KLHL21: variants seen among roughly 807,000 people sequenced by gnomAD.
The protein encoded by KLHL21 is kelch-like protein 21.
KLHL21 carries 42 observed loss-of-function variants against 44.1 expected under a neutral mutation model. The ratio of observed to expected loss-of-function variants is 0.95; its 90% CI spans 0.74 to 1.23. KLHL21 has a LOEUF of 1.23. KLHL21 is among the 50% of genes most tolerant of loss of function. KLHL21 has a pLI of 0.00. For missense variants in KLHL21, 918 were observed against 889.1 expected (o/e 1.03, Z -0.41); for synonymous variants, 524 against 411.6 (o/e 1.27, Z -3.31).
At position 6,599,980 on chromosome 1, in the gene KLHL21, G is replaced by C. The variant is rs537352042; in HGVS notation, c.1022-528C>G. On this transcript the variant is annotated intron_variant, in intron 1 of 3. Transcript: ENST00000377658. ...ATTCTGGTGCAGGTTACAAAGCTGT[G>C]TTTGGTTTAGAAAAATCCACGAAGC... Among the ~76,000 whole-genome samples, 4 of 152,276 alleles carry C rather than the reference G, an allele frequency of 2.6e-5. 1 individual carries two copies. The South Asian group carries it at 8.3e-4, about 32-fold the overall frequency.
In KLHL21 at chr1:6,602,640, AG is replaced by A; in HGVS notation, c.177del (p.Tyr60ThrfsTer42). On this transcript the variant is annotated frameshift_variant, in exon 1 of 4. Transcript: ENST00000377658. LOFTEE classifies it high-confidence loss of function. ...AHRAVLAAAS[P>X]YFRAMFAGQL... ...TGCCCCGCGAACATGGCGCGGAAGT[AG>A]GGGCTGGCGGCGGCCAGCACCGCAC... 1 of 1,516,708 alleles carries A rather than the reference AG, an allele frequency of 6.6e-7. No homozygotes were observed. Among genetic ancestry groups the A allele is most frequent in the Non-Finnish European group, 8.8e-7 (1 of 1,138,868 alleles). The allele number at this position is 1,516,708 out of a possible 1,614,324, so 94.0% of individuals were successfully genotyped here.
chr1:6,599,875 T>G (rs1032208855), intron 1 of KLHL21: 1 of 176,728 alleles, frequency 5.7e-6, no homozygotes, highest in Non-Finnish European at 1.2e-5. Context: ...CAAGCAAGGT[T>G]CTGCCAGGAC....
chr1:6,599,003 A>G (rs1312425499), intron 2 of KLHL21, 44 bp downstream of exon 2: 7 of 1,521,108 alleles, frequency 4.6e-6, no homozygotes, highest in Non-Finnish European at 6.2e-6. Flanking sequence ...AGGGCCTGGT[A>G]AGAGACACCA....
chr1:6,595,405 A>G (rs1557432623), intron 3 of KLHL21, 80 bp downstream of exon 3: 1 of 1,321,372 alleles, frequency 7.6e-7, no homozygotes, highest in Middle Eastern at 1.8e-4. Context: ...TGTGGATCCC[A>G]AACACTCATC....
At chr1:6,594,002 G>A in intron 3 of KLHL21, 1 of 1,076,160 alleles carries the variant, frequency 9.3e-7, no homozygotes, top group African/African-American at 1.6e-5. Flanking sequence ...TGTTACAGAT[G>A]GGAAAACTGA....
intron 2 of KLHL21, among the ~76,000 whole-genome samples, chr1:6,598,654 G>A (rs187122769): frequency 1.7e-4 from 26 of 152,014 alleles, no homozygotes; most frequent in African/African-American, 5.1e-4. Flanking sequence ...AGGCCAAGGC[G>A]GACCGATCAT....
Position 6,593,339 on chromosome 1 carries a change from G to A in KLHL21, c.*26C>T, listed in dbSNP as rs749999473. On this transcript the variant is annotated 3_prime_UTR_variant, in exon 4 of 4. Coordinates refer to ENST00000377658, the MANE Select transcript of KLHL21 (RefSeq NM_014851.4). The stretch of plus-strand genomic sequence containing the variant: ...CGCAGAGGTGCCAGTTACCTGCACC[G>A]AGGCCCGTGCCGGGCCAGACTGGGG... The A allele has an allele frequency of 2.3e-5, 36 of 1,544,462 alleles. No individual in the cohort carries two copies. The highest frequency in any genetic ancestry group is 1.2e-4 in the Admixed American group (6 of 51,488).
In KLHL21 at chr1:6,602,074, T is replaced by G. The variant is rs944805054; in HGVS notation, c.744A>C (p.Pro248=). 1 of 1,494,596 alleles carries G rather than the reference T, an allele frequency of 6.7e-7. No individual in the cohort carries two copies. The highest frequency in any genetic ancestry group is 1.5e-5 in the African/African-American group (1 of 68,200). The allele number at this position is 1,494,596 out of a possible 1,614,324, so 92.6% of individuals were successfully genotyped here. The change falls in exon 1 of 4, where the codon CCA becomes CCC. Residue 248 remains proline (P), a synonymous_variant. Transcript: ENST00000377658. ...CCTCGCGCAGCAGGCGCAGGCAGGG[T>G]GGGCAGCGCGCCACCAGCGGCTCGG... The part of the protein sequence containing the change: ...VEAEPLVARC[P]PCLRLLREAR...
intron 1 of KLHL21, chr1:6,599,894 C>T (rs1009361294): frequency 3.5e-5 from 6 of 169,112 alleles, no homozygotes; most frequent in African/African-American, 9.5e-5. Flanking sequence ...ACAAGATGAG[C>T]GGAAACCCAC....
intron 2 of KLHL21, among the ~76,000 whole-genome samples, chr1:6,596,677 A>G (rs570488327): frequency 1.1e-4 from 16 of 152,186 alleles, no homozygotes; most frequent in South Asian, 4.1e-4. Flanking sequence ...GGTGGTGGTG[A>G]TGATGATGAT....
At position 6,602,253 on chromosome 1, in the gene KLHL21, C is replaced by G. The variant is rs1229066788; in HGVS notation, c.565G>C (p.Gly189Arg). 13 of 1,546,994 alleles carry G rather than the reference C, an allele frequency of 8.4e-6. No homozygotes were observed. The highest frequency in any genetic ancestry group is 1.1e-5 in the Non-Finnish European group (13 of 1,153,592). Reference protein sequence around the residue: ...ARLLRYLRDDGLCVPKEEAAY... With the variant: ...ARLLRYLRDDRLCVPKEEAAY... Reference sequence around the variant, plus strand: ...GCCTCCTCCTTGGGCACACACAGCCCGTCGTCCCGCAGGTAGCGCAGCAGG... The same window carrying G: ...GCCTCCTCCTTGGGCACACACAGCCGGTCGTCCCGCAGGTAGCGCAGCAGG... Residue 189 changes from glycine (G) to arginine (R), a missense_variant, in exon 1 of 4, where the codon GGG becomes CGG. Gly to Arg is a moderately radical substitution (Grantham distance 125, BLOSUM62 -2). Transcript: ENST00000377658.
Position 6,602,232 on chromosome 1 carries a change from C to T in KLHL21, c.586G>A (p.Glu196Lys). 1 of 1,528,484 alleles carries T rather than the reference C, an allele frequency of 6.5e-7. No individual in the cohort carries two copies. Among genetic ancestry groups the T allele is most frequent in the Non-Finnish European group, 8.7e-7 (1 of 1,144,674 alleles). 94.7% of individuals were successfully genotyped at this position (1,528,484 alleles called of 1,614,324 possible). ...RDDGLCVPKEEAAYQLALRWV... is the reference protein window; with the variant it reads ...RDDGLCVPKEKAAYQLALRWV... ...CGCAGCGCCAGCTGGTAGGCGGCCT[C>T]CTCCTTGGGCACACACAGCCCGTCG... is the stretch of plus-strand genomic sequence containing the variant. The change falls in exon 1 of 4, where the codon GAG becomes AAG. Residue 196 changes from glutamate (E) to lysine (K), a missense_variant. Transcript: ENST00000377658.
Position 6,599,324 on chromosome 1 carries a change from G to A in KLHL21, c.1150C>T (p.Leu384=), listed in dbSNP as rs753071921. ...YHSSSVLDGL[L]YVVAADSTER... ...GTGCTGTCGGCGGCCACCACGTACAGCAGTCCGTCCAGCACAGAGGAGCTG... is the reference window on the plus strand; with the variant it reads ...GTGCTGTCGGCGGCCACCACGTACAACAGTCCGTCCAGCACAGAGGAGCTG... Residue 384 remains leucine (L), a synonymous_variant, in exon 2 of 4, where the codon CTG becomes TTG. Transcript: ENST00000377658. 6.2e-7 allele frequency: 1 copy of A among 1,613,952 alleles called. No homozygotes were observed.
At position 6,602,275 on chromosome 1, in the gene KLHL21, C is replaced by G. The variant is rs1641036972; in HGVS notation, c.543G>C (p.Leu181=). ...GCCCGTCGTCCCGCAGGTAGCGCAG[C>G]AGGCGCGCCAGTGGCAGCCGCTCCA... The part of the protein sequence containing the change: ...EQLERLPLAR[L]LRYLRDDGLC... The change falls in exon 1 of 4, where the codon CTG becomes CTC. Residue 181 remains leucine (L), a synonymous_variant. Coordinates refer to ENST00000377658, the MANE Select transcript of KLHL21 (RefSeq NM_014851.4). 1 of 1,555,156 alleles carries G rather than the reference C, an allele frequency of 6.4e-7. No homozygotes were observed. Among genetic ancestry groups the G allele is most frequent in the East Asian group, 2.4e-5 (1 of 41,620 alleles).
At chr1:6,601,673 C>G in intron 1 of KLHL21, 124 bp downstream of exon 1, 1 of 1,406,204 alleles carries the variant, frequency 7.1e-7, no homozygotes, top group East Asian at 2.6e-5. Context: ...TCACCAGAGC[C>G]CCAGCTTGGA....
rs1236781206 is a variant in KLHL21 at position 6,602,303 on chromosome 1, T to A, written c.515A>T (p.Gln172Leu). ...GCGCGCCAGTGGCAGCCGCTCCAGC[T>A]GCTCGGCGCCCAGCTCGCCCACGTG... ...LRHVGELGAEQLERLPLARLL... is the reference protein window; with the variant it reads ...LRHVGELGAELLERLPLARLL... The change falls in exon 1 of 4, where the codon CAG (glutamine) becomes CTG (leucine). Residue 172 changes from glutamine (Q) to leucine (L), a missense_variant. Coordinates refer to ENST00000377658, the MANE Select transcript of KLHL21 (RefSeq NM_014851.4). 6.4e-7 allele frequency: 1 copy of A among 1,555,696 alleles called. No homozygotes were observed. The highest frequency in any genetic ancestry group is 2.4e-5 in the East Asian group (1 of 41,476).
At position 6,602,557 on chromosome 1, in the gene KLHL21, C is replaced by T; in HGVS notation, c.261G>A (p.Leu87=). The stretch of plus-strand genomic sequence containing the variant: ...TGTAGCTGAAGTCCAGCAGCAGCTG[C>T]AGCATGTCGGGAGGCACTCCGTGCA... ...VRLHGVPPDM[L]QLLLDFSYTG... The change falls in exon 1 of 4, where the codon CTG becomes CTA. Residue 87 remains leucine, a synonymous_variant. Transcript: ENST00000377658. 8 of 1,536,652 alleles carry T rather than the reference C, an allele frequency of 5.2e-6. No homozygotes were observed. The highest frequency in any genetic ancestry group is 7.0e-6 in the Non-Finnish European group (8 of 1,146,620).
Position 6,592,218 on chromosome 1 carries a change from A to G in KLHL21, c.*1147T>C, listed in dbSNP as rs923348770. 3.9e-5 allele frequency: 6 copies of G among 152,244 alleles called. No homozygotes were observed. Among genetic ancestry groups the G allele is most frequent in the African/African-American group, 1.4e-4 (6 of 41,458 alleles). The allele number at this position is 152,244 out of a possible 1,614,324, so 9.4% of individuals were successfully genotyped here. ...ACATCTCTACGAGTTAGTTCACTAG[A>G]AAAGGCAATAAACATTTGCTTTAAC... On this transcript the variant is annotated 3_prime_UTR_variant, in exon 4 of 4. Coordinates refer to ENST00000377658, the MANE Select transcript of KLHL21 (RefSeq NM_014851.4).
At chr1:6,600,400 A>T (rs913836570) in intron 1 of KLHL21, among the ~76,000 whole-genome samples, 2 of 152,208 alleles carry the variant, frequency 1.3e-5, no homozygotes, top group Non-Finnish European at 2.9e-5. Flanking sequence ...CTGTAATCGT[A>T]AATTACACCA....
Sources: allele counts gnomAD v4.1 joint callset (sites outside exome capture counted in the v4.1 genomes callset), GRCh38; gene constraint gnomAD v4.1.1; transcripts MANE v1.5; gene names NCBI Gene and HGNC (gene_info 2026-07-23, HGNC 2026-07-21).